The following CSTPP1 variants were observed in gnomAD, a reference collection of about 807,000 sequenced individuals.
CSTPP1 encodes centriolar satellite-associated tubulin polyglutamylase complex regulator 1.
At chr11:47,124,747 T>C in the CSTPP1 span, among the ~76,000 whole-genome samples, 1 of 152,328 alleles carries the variant, frequency 6.6e-6, no homozygotes, top group Admixed American at 6.5e-5. Context: ...AGAATTCTTG[T>C]GCATAAATGA....
the CSTPP1 span, among the ~76,000 whole-genome samples, chr11:47,019,322 T>A: frequency 6.6e-6 from 1 of 152,202 alleles, no homozygotes; most frequent in Non-Finnish European, 1.5e-5. Flanking sequence ...GGAATGTCCT[T>A]TAAATTTCTT....
the CSTPP1 span, among the ~76,000 whole-genome samples, chr11:47,031,843 T>A: frequency 6.6e-6 from 1 of 151,944 alleles, no homozygotes; most frequent in Admixed American, 6.6e-5. Flanking sequence ...ACTCACACAA[T>A]CACAAGGTCC....
At chr11:47,153,272 C>T in the CSTPP1 span, among the ~76,000 whole-genome samples, 2 of 152,192 alleles carry the variant, frequency 1.3e-5, no homozygotes, top group Admixed American at 6.5e-5. Flanking sequence ...GGGACCAGGG[C>T]ACCCTCTTGT....
At chr11:46,936,976 G>A in the CSTPP1 span, 1 of 1,244,812 alleles carries the variant, frequency 8.0e-7, no homozygotes, top group East Asian at 3.1e-5. Context: ...GGGCGGAGAG[G>A]CGGGGGTTCC....
chr11:47,137,459 C>A, the CSTPP1 span: 1 of 1,506,546 alleles, frequency 6.6e-7, no homozygotes, highest in Non-Finnish European at 8.8e-7. Context: ...CCTGGAAAAG[C>A]TTTGTAGAAA....
At chr11:47,119,246 C>T in the CSTPP1 span, among the ~76,000 whole-genome samples, 3 of 152,244 alleles carry the variant, frequency 2.0e-5, no homozygotes, top group Admixed American at 6.5e-5. Flanking sequence ...GTTCTGTGGG[C>T]GTGGGACCTG....
the CSTPP1 span, among the ~76,000 whole-genome samples, chr11:47,042,274 T>A: frequency 6.6e-6 from 1 of 151,314 alleles, no homozygotes; most frequent in South Asian, 2.1e-4. Context: ...GATTTCATTA[T>A]TTTTAGGGAA....
At chr11:47,136,918 A>G in the CSTPP1 span, among the ~76,000 whole-genome samples, 1 of 152,174 alleles carries the variant, frequency 6.6e-6, no homozygotes, top group Non-Finnish European at 1.5e-5. Flanking sequence ...AGGATCCTAT[A>G]AATTTCTCTG....
At chr11:47,106,277 C>G in the CSTPP1 span, among the ~76,000 whole-genome samples, 3 of 152,050 alleles carry the variant, frequency 2.0e-5, no homozygotes, top group East Asian at 5.8e-4. Flanking sequence ...GAAGGAGAAC[C>G]GATCAAATTG....
the CSTPP1 span, among the ~76,000 whole-genome samples, chr11:47,128,396 CTT>C: frequency 2.6e-5 from 4 of 152,092 alleles, no homozygotes; most frequent in Admixed American, 6.5e-5. Context: ...TTTGTTATCT[CTT>C]TGAGACAGGG....
the CSTPP1 span, among the ~76,000 whole-genome samples, chr11:46,938,746 A>G: frequency 7.0e-6 from 1 of 143,724 alleles, no homozygotes; most frequent in African/African-American, 2.5e-5. Flanking sequence ...CATTGTATGG[A>G]TGTACCATGC....
At chr11:47,120,763 G>A in the CSTPP1 span, among the ~76,000 whole-genome samples, 1 of 152,142 alleles carries the variant, frequency 6.6e-6, no homozygotes, top group Non-Finnish European at 1.5e-5. This position sits in a 1 kb window ranked among gnomAD's most constrained non-coding sequence, Gnocchi z 4.2. Context: ...TACCCTATAG[G>A]ACTGCTGCGA....
At chr11:47,044,143 C>T in the CSTPP1 span, among the ~76,000 whole-genome samples, 14 of 151,982 alleles carry the variant, frequency 9.2e-5, no homozygotes, top group African/African-American at 3.1e-4. Flanking sequence ...TGCACCATCA[C>T]GCCTGGCTAA....
At chr11:46,950,331 G>A in the CSTPP1 span, among the ~76,000 whole-genome samples, 141 of 151,588 alleles carry the variant, frequency 9.3e-4, 2 homozygotes, top group Admixed American at 2.9e-3. Flanking sequence ...CCGCCACCTC[G>A]CCCAGCTAAT....
the CSTPP1 span, chr11:47,159,722 C>T: frequency 2.2e-6 from 1 of 456,174 alleles, no homozygotes; most frequent in Non-Finnish European, 4.4e-6. Context: ...AAAAAGGACA[C>T]TGGCTGGGTG....
chr11:46,970,141 C>G, the CSTPP1 span, among the ~76,000 whole-genome samples: 11 of 152,134 alleles, frequency 7.2e-5, no homozygotes, highest in African/African-American at 2.6e-4. Flanking sequence ...AGGATGTTTT[C>G]TAGGGTGCTG....
chr11:47,036,099 T>A, the CSTPP1 span, among the ~76,000 whole-genome samples: 2 of 12,464 alleles, frequency 1.6e-4, no homozygotes, highest in African/African-American at 1.2e-3. Flanking sequence ...ATATTATATA[T>A]TATATATTAT....
chr11:46,980,736 G>A, the CSTPP1 span, among the ~76,000 whole-genome samples: 1 of 152,102 alleles, frequency 6.6e-6, no homozygotes, highest in South Asian at 2.1e-4. Context: ...TTTGTGACAT[G>A]TATAGAATTA....
At chr11:47,149,362 G>T in the CSTPP1 span, among the ~76,000 whole-genome samples, 2 of 152,194 alleles carry the variant, frequency 1.3e-5, no homozygotes, top group Admixed American at 1.3e-4. Flanking sequence ...TTAGCAGAAG[G>T]CCTCTGGCAG....
Sources: gnomAD v4.1 joint callset for allele counts (sites outside exome capture counted in the v4.1 genomes callset) on GRCh38, gnomAD v4.1.1 for gene constraint, Gnocchi (gnomAD v3.1) non-coding constraint, MANE v1.5 for transcripts, NCBI Gene and HGNC (gene_info 2026-07-23, HGNC 2026-07-21) for gene names.